Variants in LPP observed in about 807,000 individuals in gnomAD.
LPP encodes lipoma-preferred partner.
In LPP, 38 loss-of-function variants were observed where a neutral mutation model predicts 60.4. That is an observed-to-expected ratio of 0.63 (90% CI 0.49 to 0.83). LPP has a LOEUF of 0.83. Among genes scored for constraint, LPP ranks in the 40% least tolerant of loss-of-function variants. The probability of loss-of-function intolerance (pLI) is 0.00; values close to 1 mark genes in which losing one functional copy is unlikely to be tolerated. For synonymous variants in LPP, 328 were observed against 290.8 expected (o/e 1.13, Z -1.30); for missense variants, 902 against 783.6 (o/e 1.15, Z -1.80).
Position 188,708,394 on chromosome 3 carries a change from G to A in LPP, c.1240+1G>A, listed in dbSNP as rs1314711686. On this transcript the variant is annotated splice_donor_variant, in intron 8 of 11. Coordinates refer to ENST00000617246, the MANE Select transcript of LPP (RefSeq NM_001375462.1). LOFTEE classifies it high-confidence loss of function. ...AATCCACCTGCTGACGAATACTTTGGTGAGTGGGGCCTAGAGCTGACTTCT... is the reference window on the plus strand; with the variant it reads ...AATCCACCTGCTGACGAATACTTTGATGAGTGGGGCCTAGAGCTGACTTCT... 6 of 1,614,198 alleles carry A rather than the reference G, an allele frequency of 3.7e-6. No homozygotes were observed. The highest frequency in any genetic ancestry group is 5.1e-6 in the Non-Finnish European group (6 of 1,180,012).
At chr3:188,382,671 G>A (rs1372338928) in intron 3 of LPP, among the ~76,000 whole-genome samples, 3 of 152,160 alleles carry the variant, frequency 2.0e-5, no homozygotes, top group Non-Finnish European at 2.9e-5. Flanking sequence ...ACCTAAGACA[G>A]TGCTATGTAT....
intron 7 of LPP, among the ~76,000 whole-genome samples, chr3:188,624,970 C>A (rs566024296): frequency 2.2e-4 from 34 of 151,300 alleles, no homozygotes; most frequent in Non-Finnish European, 4.4e-4. Flanking sequence ...CACATGATTT[C>A]TATTTCCTTT....
intron 8 of LPP, among the ~76,000 whole-genome samples, chr3:188,748,627 CA>C (rs1471965917): frequency 2.0e-5 from 3 of 151,916 alleles, no homozygotes; most frequent in Non-Finnish European, 2.9e-5. Flanking sequence ...ACTAAAAATA[CA>C]AAAAATTAGC....
intron 7 of LPP, among the ~76,000 whole-genome samples, chr3:188,696,572 A>AGG (rs1863283980): frequency 6.6e-6 from 1 of 151,856 alleles, no homozygotes; most frequent in East Asian, 1.9e-4. Flanking sequence ...CAACAGAGAG[A>AGG]GAATCCGTCT....
intron 7 of LPP, among the ~76,000 whole-genome samples, chr3:188,699,197 TAA>T (rs1286945657): frequency 2.0e-5 from 3 of 152,196 alleles, no homozygotes; most frequent in Non-Finnish European, 4.4e-5. Context: ...ACATCAGGCC[TAA>T]GAGCCAGATG....
chr3:188,635,580 C>T (rs968684405), intron 7 of LPP, among the ~76,000 whole-genome samples: 10 of 152,114 alleles, frequency 6.6e-5, no homozygotes, highest in African/African-American at 9.7e-5. Flanking sequence ...CTCCATTTCT[C>T]GTGTTTTGAG....
rs1017664311 is a variant in LPP at position 188,236,420 on chromosome 3, A to G, written c.-67+10893A>G. On this transcript the variant is annotated intron_variant, in intron 2 of 11. Transcript: ENST00000617246. ...TAGAACTGACTGAAAGCAAATGCAA[A>G]TAACCTGACCTGAAGCATGCTGGGG... Among the ~76,000 whole-genome samples the G allele has an allele frequency of 2.0e-5, 3 of 152,182 alleles. 1 individual carries two copies. The highest frequency in any genetic ancestry group is 1.3e-4 in the Admixed American group (2 of 15,278).
chr3:188,468,698 G>C (rs2149500435), intron 4 of LPP, among the ~76,000 whole-genome samples: 1 of 152,214 alleles, frequency 6.6e-6, no homozygotes, highest in South Asian at 2.1e-4. Context: ...TTGGCAAATG[G>C]ACCTGGGACA....
chr3:188,400,300 T>G (rs2148801527), intron 3 of LPP, among the ~76,000 whole-genome samples: 1 of 152,328 alleles, frequency 6.6e-6, no homozygotes. Context: ...GAGTTAAAGA[T>G]CTGTGTCCCA....
At chr3:188,840,362 CA>C (rs1759630618) in intron 9 of LPP, among the ~76,000 whole-genome samples, 2 of 152,182 alleles carry the variant, frequency 1.3e-5, no homozygotes, top group African/African-American at 4.8e-5. Context: ...ACTGAAAATG[CA>C]AAAGGAAGCC....
chr3:188,402,387 T>C (rs1051936813), intron 3 of LPP, among the ~76,000 whole-genome samples: 3 of 152,110 alleles, frequency 2.0e-5, no homozygotes, highest in Admixed American at 1.3e-4. Flanking sequence ...GCAAAGATGG[T>C]TCAATATGTA....
intron 3 of LPP, among the ~76,000 whole-genome samples, chr3:188,396,076 G>A (rs114573363): frequency 0.021 from 3,176 of 152,268 alleles, 99 homozygotes; most frequent in African/African-American, 0.074. Flanking sequence ...TCAAAAGGCT[G>A]AAGTATAATC....
intron 3 of LPP, among the ~76,000 whole-genome samples, chr3:188,349,715 TTGTC>T (rs755522173): frequency 1.3e-5 from 2 of 152,198 alleles, no homozygotes; most frequent in Non-Finnish European, 2.9e-5. Context: ...TATGGAGACT[TTGTC>T]TATACAACAT....
At chr3:188,592,684 G>C (rs1226576537) in intron 6 of LPP, among the ~76,000 whole-genome samples, 3 of 151,684 alleles carry the variant, frequency 2.0e-5, no homozygotes, top group Non-Finnish European at 4.4e-5. Flanking sequence ...TGGGATGACA[G>C]GTGCCCACCA....
intron 3 of LPP, among the ~76,000 whole-genome samples, chr3:188,396,132 T>A (rs939318674): frequency 2.0e-5 from 3 of 152,126 alleles, no homozygotes; most frequent in Non-Finnish European, 2.9e-5. Context: ...GCAGATTATG[T>A]GGCCTGAATC....
intron 8 of LPP, among the ~76,000 whole-genome samples, chr3:188,748,516 G>A (rs6767401): frequency 0.21 from 32,255 of 152,052 alleles, 3,957 homozygotes; most frequent in Middle Eastern, 0.45. Flanking sequence ...GGGCACAGCG[G>A]CTCACACCTG....
At chr3:188,373,623 G>A (rs1246051826) in intron 3 of LPP, among the ~76,000 whole-genome samples, 4 of 151,886 alleles carry the variant, frequency 2.6e-5, no homozygotes, top group African/African-American at 9.7e-5. Context: ...TGTCAGATGA[G>A]TAGGTTGCAA....
intron 8 of LPP, among the ~76,000 whole-genome samples, chr3:188,741,031 A>T (rs531877491): frequency 2.6e-5 from 4 of 152,092 alleles, no homozygotes; most frequent in African/African-American, 9.6e-5. Context: ...AAAAAGCATC[A>T]GTGTGTTTCA....
intron 7 of LPP, among the ~76,000 whole-genome samples, chr3:188,636,224 C>A (rs557352467): frequency 1.3e-5 from 2 of 152,186 alleles, no homozygotes; most frequent in African/African-American, 4.8e-5. Flanking sequence ...CGAAGCAGGG[C>A]GAGGCATTGC....
Sources: gnomAD v4.1 joint callset for allele counts (sites outside exome capture counted in the v4.1 genomes callset) on GRCh38, gnomAD v4.1.1 for gene constraint, MANE v1.5 for transcripts, NCBI Gene and HGNC (gene_info 2026-07-23, HGNC 2026-07-21) for gene names.